The following DHX57 variants were observed in gnomAD, a reference collection of about 807,000 sequenced individuals.
DHX57 encodes DExH-box helicase 57, also known as putative ATP-dependent RNA helicase DHX57.
Under a neutral mutation model 156.2 loss-of-function variants are expected in DHX57, and 105 were observed. The ratio of observed to expected loss-of-function variants is 0.67; its 90% CI spans 0.57 to 0.79. The LOEUF is 0.79. Ranked by LOEUF, DHX57 falls within the 30% of genes least tolerant of loss-of-function variation. The pLI is 0.00. For missense variants in DHX57, 1,847 were observed against 1,661.9 expected (o/e 1.11, Z -1.94); for synonymous variants, 704 against 595.6 (o/e 1.18, Z -2.65).
chr2:38,801,931 T>C (rs1209695268), intron 23 of DHX57, among the ~76,000 whole-genome samples: 4 of 152,328 alleles, frequency 2.6e-5, no homozygotes, highest in East Asian at 1.9e-4. Context: ...CTCTCCATGA[T>C]ATGTTTTTCA....
intron 1 of DHX57, among the ~76,000 whole-genome samples, chr2:38,872,715 A>G (rs1665409458): frequency 6.6e-6 from 1 of 152,234 alleles, no homozygotes; most frequent in Non-Finnish European, 1.5e-5. Flanking sequence ...ATAATAAGGC[A>G]CCAAAATACA....
chr2:38,837,525 C>A (rs1421009842), intron 13 of DHX57, among the ~76,000 whole-genome samples: 2 of 140,404 alleles, frequency 1.4e-5, no homozygotes, highest in Non-Finnish European at 3.0e-5. Context: ...GCAGGAGAAT[C>A]GCTTGAACCC....
Position 38,854,092 on chromosome 2 carries a change from A to G in DHX57, c.1992T>C (p.His664=). 2 of 1,613,918 alleles carry G rather than the reference A, an allele frequency of 1.2e-6. No individual in the cohort carries two copies. Among genetic ancestry groups the G allele is most frequent in the Non-Finnish European group, 1.7e-6 (2 of 1,179,858 alleles). ...EGDTALQGVS[H]IIVDEVHERT... ...TCTCATGAACTTCATCAACAATGAT[A>G]TGGGAAACTCCTTGTAGAGCTGTAT... The change falls in exon 9 of 24, where the codon CAT becomes CAC. Residue 664 remains histidine (H), a synonymous_variant. Coordinates refer to ENST00000457308, the MANE Select transcript of DHX57 (RefSeq NM_198963.3).
intron 13 of DHX57, among the ~76,000 whole-genome samples, chr2:38,833,299 T>C (rs1671475844): frequency 6.6e-6 from 1 of 151,984 alleles, no homozygotes; most frequent in South Asian, 2.1e-4. Flanking sequence ...CCCGCCACCA[T>C]GCCCAGCTAA....
At chr2:38,862,083 T>C in intron 4 of DHX57, 62 bp downstream of exon 4, 1 of 1,513,750 alleles carries the variant, frequency 6.6e-7, no homozygotes, top group Non-Finnish European at 8.9e-7. Context: ...GGGTAGTGGG[T>C]TTATATGATT....
chr2:38,820,253 G>A (rs1171872097), intron 17 of DHX57, among the ~76,000 whole-genome samples: 9 of 152,020 alleles, frequency 5.9e-5, no homozygotes, highest in African/African-American at 4.8e-5. Flanking sequence ...TTAATATTAT[G>A]TTTACAGAGT....
intron 2 of DHX57, 99 bp from the exon 3 acceptor site, chr2:38,863,618 G>C: frequency 9.2e-7 from 1 of 1,081,628 alleles, no homozygotes; most frequent in Non-Finnish European, 1.3e-6. Flanking sequence ...AAACTGGATT[G>C]TCAAGTATCT....
intron 19 of DHX57, chr2:38,816,216 A>AT: frequency 3.2e-5 from 15 of 469,438 alleles, no homozygotes; most frequent in Non-Finnish European, 6.6e-5. Flanking sequence ...AAGTGATTCA[A>AT]TATTTTTTTT....
At chr2:38,812,129 A>G (rs1159149746) in intron 21 of DHX57, among the ~76,000 whole-genome samples, 2 of 152,224 alleles carry the variant, frequency 1.3e-5, no homozygotes, top group Non-Finnish European at 2.9e-5. Context: ...GCAAAATAGT[A>G]CAGAGTTCCT....
rs1157257261 is a variant in DHX57, at chr2:38,861,705, T to G, written c.705A>C (p.Ala235=). 3.1e-6 allele frequency: 5 copies of G among 1,614,200 alleles called. No individual in the cohort carries two copies. Among genetic ancestry groups the G allele is most frequent in the Admixed American group, 1.7e-5 (1 of 60,020 alleles). Residue 235 remains alanine, a synonymous_variant, in exon 5 of 24, where the codon GCA becomes GCC. Coordinates refer to ENST00000457308, the MANE Select transcript of DHX57 (RefSeq NM_198963.3). ...ACTCATCCAAGCTTATCTGGTTGAC[T>G]GCCTCAGAGATCTTCATCCTCTCTC... is the stretch of plus-strand genomic sequence containing the variant. The part of the protein sequence containing the change: ...TFGERMKISE[A]VNQISLDECM...
intron 21 of DHX57, chr2:38,811,062 C>G (rs1670219805): frequency 1.6e-6 from 1 of 624,466 alleles, no homozygotes; most frequent in Admixed American, 2.0e-5. Flanking sequence ...ATGTAGAGAC[C>G]TGAAGGTGGT....
chr2:38,841,356 G>A (rs1671986368), intron 12 of DHX57, among the ~76,000 whole-genome samples: 1 of 152,172 alleles, frequency 6.6e-6, no homozygotes, highest in African/African-American at 2.4e-5. Flanking sequence ...ACTTGCTCAA[G>A]ATCATTAGCT....
chr2:38,814,716 GCAGAAAACC>G (rs1670436322), intron 20 of DHX57, among the ~76,000 whole-genome samples: 2 of 131,854 alleles, frequency 1.5e-5, no homozygotes, highest in African/African-American at 5.2e-5. Flanking sequence ...GCAACAATGA[GCAGAAAACC>G]CTGTTTTTTT....
intron 13 of DHX57, among the ~76,000 whole-genome samples, chr2:38,831,200 T>C (rs1161375286): frequency 6.6e-6 from 1 of 152,084 alleles, no homozygotes; most frequent in Non-Finnish European, 1.5e-5. Context: ...TTTGTCTATA[T>C]TTTTATGTGC....
intron 1 of DHX57, among the ~76,000 whole-genome samples, chr2:38,871,193 G>A (rs151067552): frequency 2.0e-5 from 3 of 152,080 alleles, no homozygotes; most frequent in Non-Finnish European, 4.4e-5. Context: ...CAAAAGTATT[G>A]TCTCTTCTTT....
chr2:38,821,476 A>T (rs1449339739), intron 17 of DHX57, among the ~76,000 whole-genome samples: 3 of 152,094 alleles, frequency 2.0e-5, no homozygotes, highest in Non-Finnish European at 4.4e-5. Flanking sequence ...CAGGCAGATC[A>T]CAAGGTCAGG....
chr2:38,863,367 C>A lies in DHX57; in HGVS notation c.377G>T (p.Gly126Val). 6.2e-7 allele frequency: 1 copy of A among 1,609,106 alleles called. No homozygotes were observed. Residue 126 changes from glycine to valine, a missense_variant, in exon 3 of 24, where the codon GGA (glycine) becomes GTA (valine). Transcript: ENST00000457308. ...RDLQEQDADAGSERGLSGEEE... is the reference protein window; with the variant it reads ...RDLQEQDADAVSERGLSGEEE... ...CTCAAATAAAACAATTTACTCAGAT[C>A]CAGCATCAGCATCTTGTTCTTGCAG...
chr2:38,800,705 G>A (rs1023299701), intron 23 of DHX57, among the ~76,000 whole-genome samples: 1 of 152,176 alleles, frequency 6.6e-6, no homozygotes, highest in African/African-American at 2.4e-5. Flanking sequence ...CTGCATACAT[G>A]TGATGCCAGG....
rs755106210 is a variant in DHX57 at position 38,861,613 on chromosome 2, CT to C, written c.796del (p.Arg266GlufsTer11). 6.2e-7 allele frequency: 1 copy of C among 1,614,144 alleles called. No homozygotes were observed. Among genetic ancestry groups the C allele is most frequent in the Admixed American group, 1.7e-5 (1 of 60,012 alleles). ...AATGGTCCAGACTCTGTTCTGAATTCTTTCTATAAATTTTTCTCCACAGATG... is the reference window on the plus strand; with the variant it reads ...AATGGTCCAGACTCTGTTCTGAATTCTTCTATAAATTTTTCTCCACAGATG... ...KSICGEKFIE[R>X]IQNRVWTIGL... is the part of the protein sequence containing the mutation. On this transcript the variant is annotated frameshift_variant, in exon 5 of 24. Transcript: ENST00000457308. LOFTEE classifies it high-confidence loss of function.
Sources: gnomAD v4.1 joint callset for allele counts (sites outside exome capture counted in the v4.1 genomes callset) on GRCh38, gnomAD v4.1.1 for gene constraint, MANE v1.5 for transcripts, NCBI Gene and HGNC (gene_info 2026-07-23, HGNC 2026-07-21) for gene names.